GLG1: variants seen among roughly 807,000 people sequenced by gnomAD.
GLG1 encodes golgi glycoprotein 1.
Under a neutral mutation model 160.5 loss-of-function variants are expected in GLG1, and 38 were observed. That is an observed-to-expected ratio of 0.24 (90% CI 0.18 to 0.31). GLG1 has a LOEUF of 0.31. GLG1 is among the 10% of genes least tolerant of loss of function. The pLI is 1.00. For missense variants in GLG1, 1,373 were observed against 1,505.2 expected (o/e 0.91, Z 1.45); for synonymous variants, 644 against 543.4 (o/e 1.19, Z -2.57).
intron 1 of GLG1, among the ~76,000 whole-genome samples, chr16:74,563,643 C>A (rs1027141730): frequency 6.7e-6 from 1 of 150,224 alleles, no homozygotes. Flanking sequence ...GGGAGAACTG[C>A]TTGAACCCAG....
chr16:74,499,757 G>A (rs9931507), intron 4 of GLG1, among the ~76,000 whole-genome samples: 152,241 of 152,334 alleles, frequency 1, 76,074 homozygotes, highest in Middle Eastern at 1. Flanking sequence ...TAATCCCAGC[G>A]CTTTGGGAGG....
intron 2 of GLG1, among the ~76,000 whole-genome samples, chr16:74,522,447 T>C (rs2017196381): frequency 6.6e-6 from 1 of 152,242 alleles, no homozygotes; most frequent in African/African-American, 2.4e-5. Flanking sequence ...ATTTTCATTT[T>C]CACGTCCCTG....
Position 74,452,695 on chromosome 16 carries a change from T to G in GLG1, c.*472A>C. On this transcript the variant is annotated 3_prime_UTR_variant, in exon 26 of 26. Transcript: ENST00000422840. ...GTCATGGCACACTGGGTGGTGTGCTTCCCCTCCAAGTCCTGTCTTTGTTTT... is the reference window on the plus strand; with the variant it reads ...GTCATGGCACACTGGGTGGTGTGCTGCCCCTCCAAGTCCTGTCTTTGTTTT... The G allele has an allele frequency of 1.0e-6, 1 of 992,662 alleles. No homozygotes were observed. Among genetic ancestry groups the G allele is most frequent in the Non-Finnish European group, 1.2e-6 (1 of 834,174 alleles). 61.5% of individuals were successfully genotyped at this position (992,662 alleles called of 1,614,324 possible). A position where few individuals can be genotyped will look rare whatever the true frequency, so the allele number is the denominator to read the frequency against.
chr16:74,546,545 T>A (rs1214566624), intron 1 of GLG1, among the ~76,000 whole-genome samples: 2 of 151,840 alleles, frequency 1.3e-5, no homozygotes, highest in Admixed American at 6.6e-5. Flanking sequence ...ATTAGAAGGA[T>A]CCCTGACTAG....
chr16:74,584,376 T>C lies in GLG1; in HGVS notation c.438+22281A>G, dbSNP rs555421312. ...ATGTTACTATTAATTGCATCATAAA[T>C]GCCTAACATTAATTAACGAAGTTTT... On this transcript the variant is annotated intron_variant, in intron 1 of 25. Transcript: ENST00000422840. Among the ~76,000 whole-genome samples the C allele has an allele frequency of 2.0e-5, 3 of 152,304 alleles. No individual in the cohort carries two copies. In the South Asian group the frequency reaches 6.2e-4, roughly 32 times the overall value.
intron 23 of GLG1, among the ~76,000 whole-genome samples, chr16:74,459,171 A>C (rs1415467528): frequency 6.6e-6 from 1 of 152,204 alleles, no homozygotes; most frequent in East Asian, 1.9e-4. Context: ...GACATCAGTG[A>C]AATTCTTTTT....
Position 74,463,429 on chromosome 16 carries a change from T to C in GLG1, c.2718A>G (p.Gln906=). ...GATCCATCAATTCACTGTTTTTATT[T>C]TGCTTCAAGCACTGCAACATGGTTT... The part of the protein sequence containing the change: ...DSKTMLQCLK[Q]NKNSELMDPK... Residue 906 remains glutamine, a synonymous_variant, in exon 20 of 26, where the codon CAA becomes CAG. Transcript: ENST00000422840. 6.2e-7 allele frequency: 1 copy of C among 1,613,720 alleles called. No homozygotes were observed.
chr16:74,564,209 C>T (rs2018588353), intron 1 of GLG1, among the ~76,000 whole-genome samples: 1 of 152,204 alleles, frequency 6.6e-6, no homozygotes, highest in South Asian at 2.1e-4. Flanking sequence ...TGTGAGCCAT[C>T]ATACCAGGCC....
rs200903259 is a variant in GLG1 at position 74,465,061 on chromosome 16, A to ACTCCTGAC, written c.2667+607_2667+614dup. 1.5e-3 allele frequency among the ~76,000 whole-genome samples: 233 copies of ACTCCTGAC among 152,066 alleles called. 7 individuals carry two copies. The East Asian group carries it at 0.041, about 27-fold the overall frequency. On this transcript the variant is annotated intron_variant, in intron 19 of 25. Coordinates refer to ENST00000422840, the MANE Select transcript of GLG1 (RefSeq NM_001145667.2). ...ACCATGTTGGCCAGGCTGGTCTCGA[A>ACTCCTGAC]CTCCTGACCTCAGGTGATCCTCCCG...
chr16:74,502,722 G>GTTTTTTTTTTT (rs745410150), intron 4 of GLG1, among the ~76,000 whole-genome samples: 10 of 109,566 alleles, frequency 9.1e-5, no homozygotes, highest in African/African-American at 1.1e-4. Context: ...TTTGTTTTTG[G>GTTTTTTTTTTT]TTTTTTTTTT....
chr16:74,510,547 G>A (rs2016771436), intron 2 of GLG1, among the ~76,000 whole-genome samples: 1 of 152,136 alleles, frequency 6.6e-6, no homozygotes, highest in Admixed American at 6.5e-5. Flanking sequence ...AGAACATGAA[G>A]ATGTATGTAT....
intron 19 of GLG1, among the ~76,000 whole-genome samples, chr16:74,464,484 G>A (rs192874621): frequency 7.9e-5 from 12 of 152,318 alleles, no homozygotes; most frequent in Admixed American, 3.3e-4. Context: ...CTGCTAATCC[G>A]CAAGTCTTCA....
Position 74,491,229 on chromosome 16 carries a change from T to TAA in GLG1, c.1235-16_1235-15dup. The TAA allele has an allele frequency of 6.3e-7, 1 of 1,585,714 alleles. No individual in the cohort carries two copies. The highest frequency in any genetic ancestry group is 8.7e-7 in the Non-Finnish European group (1 of 1,154,370). On this transcript the variant is annotated splice_polypyrimidine_tract_variant and intron_variant, in intron 7 of 25. Transcript: ENST00000422840. The stretch of plus-strand genomic sequence containing the variant: ...TGACTTGTCGCCCTAAGTTAGGATG[T>TAA]AAGTCATAACATTACGAAGGGTGAT...
intron 2 of GLG1, among the ~76,000 whole-genome samples, chr16:74,509,968 C>G (rs1294047893): frequency 6.6e-6 from 1 of 150,610 alleles, no homozygotes; most frequent in Non-Finnish European, 1.5e-5. Flanking sequence ...ATTACAAGTG[C>G]GAGCCAGCAT....
chr16:74,481,799 T>G (rs939815250), intron 10 of GLG1, among the ~76,000 whole-genome samples: 3 of 152,166 alleles, frequency 2.0e-5, no homozygotes, highest in African/African-American at 7.2e-5. Context: ...CTCCTTTTTT[T>G]TTTGAGACGG....
rs149385964 is a variant in GLG1 at position 74,591,061 on chromosome 16, C to T, written c.438+15596G>A. On this transcript the variant is annotated intron_variant, in intron 1 of 25. Coordinates refer to ENST00000422840, the MANE Select transcript of GLG1 (RefSeq NM_001145667.2). ...AAAGAAGACTTACAGGGCCGGATGC[C>T]GTGGCTCACACCTGTAATCCCAGCA... is the stretch of plus-strand genomic sequence containing the variant. 7.6e-3 allele frequency among the ~76,000 whole-genome samples: 1,157 copies of T among 152,180 alleles called. 16 individuals carry two copies. The highest frequency in any genetic ancestry group is 0.026 in the African/African-American group (1,082 of 41,554).
chr16:74,479,875 G>C (rs2015534804), intron 11 of GLG1, among the ~76,000 whole-genome samples: 1 of 152,168 alleles, frequency 6.6e-6, no homozygotes, highest in East Asian at 1.9e-4. Flanking sequence ...CAGCTGCCAA[G>C]AGGAGAAGCC....
At chr16:74,527,398 C>T (rs2017374127) in intron 2 of GLG1, among the ~76,000 whole-genome samples, 1 of 151,706 alleles carries the variant, frequency 6.6e-6, no homozygotes, top group Non-Finnish European at 1.5e-5. Context: ...TACTGGTGTG[C>T]ACCACCACAC....
At position 74,606,945 on chromosome 16, in the gene GLG1, T is replaced by A; in HGVS notation, c.150A>T (p.Val50=). 2 of 1,609,096 alleles carry A rather than the reference T, an allele frequency of 1.2e-6. No homozygotes were observed. The highest frequency in any genetic ancestry group is 2.7e-5 in the African/African-American group (2 of 75,034). Residue 50 remains valine, a synonymous_variant, in exon 1 of 26, where the codon GTA becomes GTT. Coordinates refer to ENST00000422840, the MANE Select transcript of GLG1 (RefSeq NM_001145667.2). ...QGPGANFVSF[V]GQAGGGGPAG... ...CCGGGCCGCCGCCTCCGGCCTGCCC[T>A]ACGAAGGACACAAAGTTGGCCCCGG...
Sources: gnomAD v4.1 joint callset for allele counts (sites outside exome capture counted in the v4.1 genomes callset) on GRCh38, gnomAD v4.1.1 for gene constraint, MANE v1.5 for transcripts, NCBI Gene and HGNC (gene_info 2026-07-23, HGNC 2026-07-21) for gene names.